KCNH5: variants seen among roughly 807,000 people sequenced by gnomAD.
The protein encoded by KCNH5 is voltage-gated delayed rectifier potassium channel KCNH5.
Under a neutral mutation model 96.1 loss-of-function variants are expected in KCNH5, and 46 were observed. The ratio of observed to expected loss-of-function variants is 0.48; its 90% CI spans 0.38 to 0.61. The LOEUF (loss-of-function observed/expected upper bound fraction) is 0.61, where lower values mean the gene tolerates loss of function less well. KCNH5 is among the 20% of genes least tolerant of loss of function. The pLI, the probability that KCNH5 is intolerant of heterozygous loss-of-function variation, is 0.00. For missense variants in KCNH5, 907 were observed against 1,225.8 expected, an observed-to-expected ratio of 0.74 and a Z score of 3.88; for synonymous variants, 439 against 449.8, an observed-to-expected ratio of 0.98 and a Z score of 0.30.
At chr14:62,765,360 G>A (rs1007145624) in intron 10 of KCNH5, among the ~76,000 whole-genome samples, 3 of 152,070 alleles carry the variant, frequency 2.0e-5, no homozygotes, top group Non-Finnish European at 4.4e-5. Context: ...TTTATCATGT[G>A]CAAAAATCAA....
chr14:62,936,674 C>CAAA (rs3080873), intron 7 of KCNH5, among the ~76,000 whole-genome samples: 4 of 119,758 alleles, frequency 3.3e-5, no homozygotes, highest in Admixed American at 9.3e-5. Context: ...GACCCTGCCT[C>CAAA]AAAAAAAAAA....
chr14:62,959,264 A>T (rs924018456), intron 6 of KCNH5, among the ~76,000 whole-genome samples: 6 of 151,900 alleles, frequency 3.9e-5, no homozygotes, highest in African/African-American at 1.5e-4. Flanking sequence ...TTAACAGCAA[A>T]CTCCTGGCCC....
chr14:62,885,884 T>C (rs1038287796), intron 7 of KCNH5, among the ~76,000 whole-genome samples: 5 of 152,228 alleles, frequency 3.3e-5, no homozygotes, highest in African/African-American at 9.7e-5. Flanking sequence ...ACAGTGTTAA[T>C]TGTTTTACAA....
chr14:62,890,160 C>T (rs1164712074), intron 7 of KCNH5, among the ~76,000 whole-genome samples: 1 of 152,044 alleles, frequency 6.6e-6, no homozygotes, highest in African/African-American at 2.4e-5. Context: ...CCATCCTGGA[C>T]GTAGGAATGG....
chr14:62,926,850 A>G (rs955238142), intron 7 of KCNH5, among the ~76,000 whole-genome samples: 1 of 152,096 alleles, frequency 6.6e-6, no homozygotes, highest in Admixed American at 6.6e-5. Flanking sequence ...AATTCAGTCC[A>G]CTGCATCTGC....
rs1336085924 is a variant in KCNH5 at position 62,704,776 on chromosome 14, A to C, written c.*2732T>G. The C allele has an allele frequency of 6.6e-6, 1 of 151,988 alleles. No individual in the cohort carries two copies. The highest frequency in any genetic ancestry group is 6.6e-5 in the Admixed American group (1 of 15,254). The allele number at this position is 151,988 out of a possible 1,614,324, so 9.4% of individuals were successfully genotyped here. On this transcript the variant is annotated 3_prime_UTR_variant, in exon 11 of 11. Coordinates refer to ENST00000322893, the MANE Select transcript of KCNH5 (RefSeq NM_139318.5). ...TAAAACATGCAGTTATCTGGTCCTCAAAAGAGCATCTACTGTCTATGTGCT... is the reference window on the plus strand; with the variant it reads ...TAAAACATGCAGTTATCTGGTCCTCCAAAGAGCATCTACTGTCTATGTGCT...
At chr14:63,023,414 T>C (rs1891466535) in intron 1 of KCNH5, among the ~76,000 whole-genome samples, 1 of 152,172 alleles carries the variant, frequency 6.6e-6, no homozygotes. Context: ...ATAATTGGTA[T>C]TATAAAATTT....
rs906123484 is a variant in KCNH5, at chr14:62,961,329, C to T, written c.943-10770G>A. On this transcript the variant is annotated intron_variant, in intron 6 of 10. Transcript: ENST00000322893. ...ATATTCTTTCTCACCTAGGAGATCT[C>T]CAAACATGCTGTTTAAAACAATCTC... Among the ~76,000 whole-genome samples the T allele has an allele frequency of 3.3e-5, 5 of 152,234 alleles. No individual in the cohort carries two copies. In the East Asian group the frequency reaches 9.7e-4, roughly 29 times the overall value.
At chr14:62,935,075 A>G (rs1889653489) in intron 7 of KCNH5, among the ~76,000 whole-genome samples, 1 of 152,198 alleles carries the variant, frequency 6.6e-6, no homozygotes. Context: ...AAAGGTGGAA[A>G]AGTGGGGGGA....
chr14:62,779,953 A>C, intron 9 of KCNH5, 29 bp from the exon 10 acceptor site: 1 of 1,541,326 alleles, frequency 6.5e-7, no homozygotes, highest in South Asian at 1.2e-5. Context: ...TACATATTCA[A>C]GTATCTAACA....
intron 7 of KCNH5, among the ~76,000 whole-genome samples, chr14:62,913,570 T>C (rs186101092): frequency 4.8e-4 from 73 of 152,240 alleles, no homozygotes; most frequent in African/African-American, 1.7e-3. Flanking sequence ...GATTTAGAAT[T>C]TTAGGTAATG....
intron 10 of KCNH5, among the ~76,000 whole-genome samples, chr14:62,730,206 A>G (rs573516492): frequency 6.6e-6 from 1 of 152,322 alleles, no homozygotes; most frequent in South Asian, 2.1e-4. Context: ...TAGTTACTCT[A>G]GGCACTTCCT....
rs550388652 is a variant in KCNH5, at chr14:62,846,892, C to A, written c.1569+2761G>T. On this transcript the variant is annotated intron_variant, in intron 8 of 10. Transcript: ENST00000322893. ...CTCAGCTCACTGCAAGCTCCGCCTC[C>A]CGGGTTCACACCATTCTCCTGCCTC... Among the ~76,000 whole-genome samples the A allele has an allele frequency of 1.9e-3, 279 of 145,896 alleles. 1 individual carries two copies. Among genetic ancestry groups the A allele is most frequent in the Middle Eastern group, 7.3e-3 (2 of 274 alleles).
intron 7 of KCNH5, among the ~76,000 whole-genome samples, chr14:62,869,757 C>G (rs1306657756): frequency 6.6e-6 from 1 of 152,070 alleles, no homozygotes. Flanking sequence ...ATACATAGAC[C>G]AGCAGAACAG....
intron 6 of KCNH5, among the ~76,000 whole-genome samples, chr14:62,977,898 G>C (rs1443841569): frequency 6.6e-6 from 1 of 152,180 alleles, no homozygotes; most frequent in Non-Finnish European, 1.5e-5. Flanking sequence ...GTGAAAGAGG[G>C]AAGGAAGACT....
intron 1 of KCNH5, among the ~76,000 whole-genome samples, chr14:63,041,092 C>T (rs2139634091): frequency 6.6e-6 from 1 of 152,026 alleles, no homozygotes; most frequent in Non-Finnish European, 1.5e-5. Flanking sequence ...AAAATAGCAA[C>T]CTAGCTTACT....
chr14:62,834,985 G>A (rs921652211), intron 8 of KCNH5, among the ~76,000 whole-genome samples: 1 of 151,846 alleles, frequency 6.6e-6, no homozygotes, highest in African/African-American at 2.4e-5. Context: ...TCATCTTAAC[G>A]AATATACTCT....
chr14:62,740,077 A>T (rs531626931), intron 10 of KCNH5, among the ~76,000 whole-genome samples: 6 of 152,242 alleles, frequency 3.9e-5, no homozygotes, highest in African/African-American at 1.4e-4. Context: ...GAATTCACAC[A>T]TTTAAACAGG....
chr14:62,872,517 C>A (rs11851393), intron 7 of KCNH5, among the ~76,000 whole-genome samples: 4,610 of 152,088 alleles, frequency 0.03, 235 homozygotes, highest in African/African-American at 0.11. Context: ...AATGAAACCT[C>A]ATCTCTACTA....
Sources: allele counts gnomAD v4.1 joint callset (sites outside exome capture counted in the v4.1 genomes callset), GRCh38; gene constraint gnomAD v4.1.1; transcripts MANE v1.5; gene names NCBI Gene and HGNC (gene_info 2026-07-23, HGNC 2026-07-21).